Variants in NRG3 observed in about 807,000 individuals in gnomAD.
The protein encoded by NRG3 is pro-neuregulin-3, membrane-bound isoform.
NRG3 carries 31 observed loss-of-function variants against 66.9 expected under a neutral mutation model. That is an observed-to-expected ratio of 0.46 (90% CI 0.35 to 0.63). The LOEUF is 0.63. Ranked by LOEUF, NRG3 falls within the 20% of genes least tolerant of loss-of-function variation. NRG3 has a pLI of 0.00. For missense variants in NRG3, 910 were observed against 878.9 expected (o/e 1.04, Z -0.45); for synonymous variants, 393 against 359.4 (o/e 1.09, Z -1.06).
chr10:82,815,308 T>C (rs1295325571), intron 3 of NRG3, among the ~76,000 whole-genome samples: 3 of 152,204 alleles, frequency 2.0e-5, no homozygotes, highest in African/African-American at 7.2e-5. Context: ...TCTTTACTCT[T>C]TGGCCCAAAT....
intron 2 of NRG3, among the ~76,000 whole-genome samples, chr10:82,656,738 T>C (rs767856516): frequency 9.2e-5 from 14 of 152,180 alleles, no homozygotes; most frequent in Non-Finnish European, 1.8e-4. Context: ...TCAGCAGTCA[T>C]GGAGGAGAAG....
chr10:82,593,155 T>A (rs997000675), intron 2 of NRG3, among the ~76,000 whole-genome samples: 2 of 152,166 alleles, frequency 1.3e-5, no homozygotes, highest in African/African-American at 4.8e-5. Flanking sequence ...GATTTCAGTG[T>A]CATGATAAAG....
intron 2 of NRG3, among the ~76,000 whole-genome samples, chr10:82,641,958 T>A (rs2050612473): frequency 6.6e-6 from 1 of 152,144 alleles, no homozygotes; most frequent in South Asian, 2.1e-4. Flanking sequence ...ACTAAGAAAC[T>A]TCTTATCATC....
At chr10:82,381,532 C>G (rs1034041474) in intron 2 of NRG3, among the ~76,000 whole-genome samples, 7 of 152,118 alleles carry the variant, frequency 4.6e-5, no homozygotes, top group Admixed American at 2.0e-4. Context: ...CTTAGATTCT[C>G]AACAACGTGT....
At chr10:82,970,937 G>A (rs1279152923) in intron 6 of NRG3, among the ~76,000 whole-genome samples, 1 of 152,094 alleles carries the variant, frequency 6.6e-6, no homozygotes, top group African/African-American at 2.4e-5. Flanking sequence ...TTTATAAAGA[G>A]GTTTATTTGG....
intron 3 of NRG3, among the ~76,000 whole-genome samples, chr10:82,800,254 A>G (rs939253656): frequency 2.0e-5 from 3 of 152,162 alleles, no homozygotes; most frequent in African/African-American, 2.4e-5. Flanking sequence ...GGGTTTCTAC[A>G]TCTTTACTTT....
At chr10:82,902,280 A>T (rs1200767784) in intron 4 of NRG3, among the ~76,000 whole-genome samples, 1 of 152,190 alleles carries the variant, frequency 6.6e-6, no homozygotes, top group African/African-American at 2.4e-5. Context: ...AAGATCATTT[A>T]AGCAGGAAAG....
intron 1 of NRG3, among the ~76,000 whole-genome samples, chr10:82,043,939 A>G (rs983766081): frequency 1.4e-4 from 21 of 152,122 alleles, no homozygotes; most frequent in Admixed American, 3.9e-4. Flanking sequence ...ATTGAAGTAA[A>G]GTGTTATCTG....
intron 3 of NRG3, among the ~76,000 whole-genome samples, chr10:82,814,576 A>G (rs749711070): frequency 1.3e-5 from 2 of 152,172 alleles, no homozygotes; most frequent in Non-Finnish European, 1.5e-5. Context: ...TGATGCCTCT[A>G]TAGTAGAAAG....
chr10:81,937,242 G>A (rs1847960996), intron 1 of NRG3, among the ~76,000 whole-genome samples: 1 of 152,136 alleles, frequency 6.6e-6, no homozygotes, highest in African/African-American at 2.4e-5. Flanking sequence ...GAACATGGGT[G>A]TGCAAATGTC....
intron 1 of NRG3, among the ~76,000 whole-genome samples, chr10:82,304,110 A>C (rs1249118863): frequency 2.0e-5 from 3 of 152,178 alleles, no homozygotes; most frequent in African/African-American, 7.2e-5. Context: ...GGGTTTCTAC[A>C]ATCAACATTT....
chr10:82,437,588 ATG>A (rs1394076636), intron 2 of NRG3, among the ~76,000 whole-genome samples: 3 of 151,920 alleles, frequency 2.0e-5, no homozygotes, highest in Non-Finnish European at 4.4e-5. Flanking sequence ...TGATGGAGAG[ATG>A]TTGCGATCAT....
In NRG3 at chr10:82,985,683, G is replaced by T. The variant is rs974409231; in HGVS notation, c.*78G>T. The T allele has an allele frequency of 5.5e-6, 8 of 1,452,908 alleles. No individual in the cohort carries two copies. In the African/African-American group the frequency reaches 9.9e-5, roughly 18 times the overall value. 90.0% of individuals were successfully genotyped at this position (1,452,908 alleles called of 1,614,324 possible). ...GAAATCAAATACAAATTATTTATAT[G>T]CATTAATTTAAGAGCATCTACTTAG... On this transcript the variant is annotated 3_prime_UTR_variant, in exon 9 of 9. Transcript: ENST00000372141.
At chr10:82,137,654 A>G (rs917937720) in intron 1 of NRG3, among the ~76,000 whole-genome samples, 5 of 152,206 alleles carry the variant, frequency 3.3e-5, no homozygotes, top group African/African-American at 7.2e-5. Context: ...AAATATCAGA[A>G]TTTATGTCCT....
At chr10:82,922,103 C>T (rs1846479640) in intron 4 of NRG3, among the ~76,000 whole-genome samples, 1 of 151,906 alleles carries the variant, frequency 6.6e-6, no homozygotes, top group African/African-American at 2.4e-5. Flanking sequence ...CCACCACCCG[C>T]CACCTCTCTA....
intron 1 of NRG3, among the ~76,000 whole-genome samples, chr10:82,079,377 A>G (rs1164742892): frequency 6.6e-6 from 1 of 152,106 alleles, no homozygotes; most frequent in African/African-American, 2.4e-5. Context: ...TTCACAGCAA[A>G]ATTGAAAGGA....
At chr10:82,213,290 T>A (rs1178742608) in intron 1 of NRG3, among the ~76,000 whole-genome samples, 1 of 152,166 alleles carries the variant, frequency 6.6e-6, no homozygotes, top group Non-Finnish European at 1.5e-5. Context: ...AAATCTGAAA[T>A]TTTTCAAAAC....
intron 3 of NRG3, among the ~76,000 whole-genome samples, chr10:82,792,464 G>C (rs935276419): frequency 6.6e-6 from 1 of 151,914 alleles, no homozygotes; most frequent in African/African-American, 2.4e-5. Flanking sequence ...TTCTGTTCAA[G>C]ACTTTGAGTC....
chr10:82,941,471 T>C (rs1848571390), intron 4 of NRG3, among the ~76,000 whole-genome samples: 1 of 152,254 alleles, frequency 6.6e-6, no homozygotes, highest in Non-Finnish European at 1.5e-5. Context: ...CATTTGCAAC[T>C]GCTTATAAGC....
Sources: allele counts gnomAD v4.1 joint callset (sites outside exome capture counted in the v4.1 genomes callset), GRCh38; gene constraint gnomAD v4.1.1; transcripts MANE v1.5; gene names NCBI Gene and HGNC (gene_info 2026-07-23, HGNC 2026-07-21).